LOC400499: variants seen among roughly 807,000 people sequenced by gnomAD.
chr16:11,517,308 G>C, the LOC400499 span, among the ~76,000 whole-genome samples: 1 of 152,038 alleles, frequency 6.6e-6, no homozygotes, highest in Non-Finnish European at 1.5e-5. Context: ...GCACTCTGGG[G>C]AGCCTTCACT....
the LOC400499 span, among the ~76,000 whole-genome samples, chr16:11,458,783 C>A: frequency 6.6e-6 from 1 of 151,972 alleles, no homozygotes; most frequent in Non-Finnish European, 1.5e-5. Flanking sequence ...TGCCTGTAAC[C>A]CAGCACTTTG....
chr16:11,425,055 TC>T, the LOC400499 span: 1 of 398,362 alleles, frequency 2.5e-6, no homozygotes, highest in Admixed American at 4.4e-5. Flanking sequence ...GGCTCATTTA[TC>T]CCCCCTCCCT....
chr16:11,383,955 C>G, the LOC400499 span: 278 of 1,231,872 alleles, frequency 2.3e-4, no homozygotes, highest in African/African-American at 3.8e-3. Context: ...GGAGCTGTCC[C>G]GGGCAGGCCT....
chr16:11,473,930 A>C, the LOC400499 span, among the ~76,000 whole-genome samples: 2 of 152,168 alleles, frequency 1.3e-5, no homozygotes, highest in African/African-American at 4.8e-5. Flanking sequence ...AACACAGCTC[A>C]CTGTTGCCTC....
chr16:11,467,614 A>T, the LOC400499 span, among the ~76,000 whole-genome samples: 1 of 152,158 alleles, frequency 6.6e-6, no homozygotes. Flanking sequence ...CCTGCCTCAA[A>T]AAAAGAAAAT....
the LOC400499 span, among the ~76,000 whole-genome samples, chr16:11,516,559 A>G: frequency 6.6e-6 from 1 of 152,222 alleles, no homozygotes; most frequent in Admixed American, 6.5e-5. Context: ...ACAAGTGTCA[A>G]AGAATAAAAG....
the LOC400499 span, chr16:11,456,769 G>C: frequency 3.5e-6 from 5 of 1,424,654 alleles, no homozygotes; most frequent in Non-Finnish European, 3.8e-6. Context: ...AAAGGAAAAG[G>C]TGTTCCAGGA....
chr16:11,385,581 C>A, the LOC400499 span, among the ~76,000 whole-genome samples: 1 of 152,232 alleles, frequency 6.6e-6, no homozygotes. Flanking sequence ...CCCAGGGATC[C>A]CCCACCGGCT....
chr16:11,504,974 C>G, the LOC400499 span, among the ~76,000 whole-genome samples: 1 of 152,114 alleles, frequency 6.6e-6, no homozygotes, highest in Admixed American at 6.6e-5. Context: ...TAGTAAGGAG[C>G]TTTTACTATG....
At chr16:11,471,747 G>C in the LOC400499 span, 5 of 399,168 alleles carry the variant, frequency 1.3e-5, no homozygotes, top group African/African-American at 8.2e-5. Flanking sequence ...CAGGCAATGA[G>C]AGCAGGTAGG....
At chr16:11,517,496 A>G in the LOC400499 span, among the ~76,000 whole-genome samples, 1 of 152,168 alleles carries the variant, frequency 6.6e-6, no homozygotes, top group Non-Finnish European at 1.5e-5. Context: ...GGATGAGGAA[A>G]CAGGCTCGGA....
the LOC400499 span, among the ~76,000 whole-genome samples, chr16:11,382,972 TA>T: frequency 6.6e-6 from 1 of 152,032 alleles, no homozygotes; most frequent in Admixed American, 6.6e-5. Flanking sequence ...TTACAGGCTG[TA>T]CAAGCACGCC....
chr16:11,463,592 A>G, the LOC400499 span, among the ~76,000 whole-genome samples: 14 of 152,194 alleles, frequency 9.2e-5, no homozygotes, highest in Non-Finnish European at 2.1e-4. Context: ...AAAGAGGTGT[A>G]TATATATGGA....
At chr16:11,432,640 G>A in the LOC400499 span, among the ~76,000 whole-genome samples, 1 of 152,190 alleles carries the variant, frequency 6.6e-6, no homozygotes, top group African/African-American at 2.4e-5. Context: ...AAACTTGCTG[G>A]AAAATTGGGG....
chr16:11,474,119 G>A, the LOC400499 span, among the ~76,000 whole-genome samples: 50,755 of 152,100 alleles, frequency 0.33, 8,894 homozygotes, highest in Admixed American at 0.46. Flanking sequence ...TCGGCCTCCC[G>A]AAGTGTGGGG....
chr16:11,470,856 G>C, the LOC400499 span: 1 of 152,842 alleles, frequency 6.5e-6, no homozygotes, highest in African/African-American at 2.4e-5. Flanking sequence ...CTTGAAAGGA[G>C]CTAGGGAGGG....
the LOC400499 span, among the ~76,000 whole-genome samples, chr16:11,403,280 A>T: frequency 6.6e-6 from 1 of 152,088 alleles, no homozygotes; most frequent in Non-Finnish European, 1.5e-5. Flanking sequence ...TCACCCAGTC[A>T]TTGGTTCTGG....
chr16:11,450,894 G>A, the LOC400499 span: 94 of 1,340,156 alleles, frequency 7.0e-5, no homozygotes, highest in Middle Eastern at 7.4e-4. Context: ...TGGAGGTCCC[G>A]AGAGTCTCAT....
chr16:11,502,370 C>A, the LOC400499 span, among the ~76,000 whole-genome samples: 1 of 152,192 alleles, frequency 6.6e-6, no homozygotes, highest in African/African-American at 2.4e-5. Context: ...GCACCCCAAG[C>A]CCCTACAAGC....
Sources: gnomAD v4.1 joint callset for allele counts (sites outside exome capture counted in the v4.1 genomes callset) on GRCh38, gnomAD v4.1.1 for gene constraint, MANE v1.5 for transcripts.